ACSL1: variants seen among roughly 807,000 people sequenced by gnomAD.
ACSL1 encodes long-chain-fatty-acid--CoA ligase 1.
Under a neutral mutation model 98.4 loss-of-function variants are expected in ACSL1, and 41 were observed. That is an observed-to-expected ratio of 0.42 (90% CI 0.32 to 0.54). The LOEUF (loss-of-function observed/expected upper bound fraction) is 0.54, where lower values mean the gene tolerates loss of function less well. Among genes scored for constraint, ACSL1 ranks in the 20% least tolerant of loss-of-function variants. The pLI is 0.13. For missense variants in ACSL1, 734 were observed against 883.1 expected (o/e 0.83, Z 2.14); for synonymous variants, 316 against 322.7 (o/e 0.98, Z 0.22).
At chr4:184,802,636 A>G (rs1770720742) in intron 2 of ACSL1, among the ~76,000 whole-genome samples, 1 of 152,180 alleles carries the variant, frequency 6.6e-6, no homozygotes, top group Admixed American at 6.5e-5. Flanking sequence ...ATCTTCCTGA[A>G]AGGATCCTAA....
At chr4:184,778,872 A>G (rs183852749) in intron 5 of ACSL1, among the ~76,000 whole-genome samples, 1 of 152,328 alleles carries the variant, frequency 6.6e-6, no homozygotes, top group Non-Finnish European at 1.5e-5. Flanking sequence ...GCCCAGTCAC[A>G]GTCCAGCTGT....
chr4:184,810,721 C>CGGAGA (rs1771973419), intron 1 of ACSL1, among the ~76,000 whole-genome samples: 1 of 151,882 alleles, frequency 6.6e-6, no homozygotes, highest in African/African-American at 2.4e-5. Context: ...AGGGCTCAAG[C>CGGAGA]GGATAGGATA....
intron 1 of ACSL1, chr4:184,813,663 T>C (rs1034860721): frequency 3.3e-6 from 1 of 302,340 alleles, no homozygotes; most frequent in Admixed American, 3.9e-5. Flanking sequence ...AAGAAGGAAA[T>C]AAAAGGCTTT....
chr4:184,803,222 C>G lies in ACSL1; in HGVS notation c.195+98G>C. On this transcript the variant is annotated intron_variant, in intron 2 of 20. Transcript: ENST00000281455. This position sits in a 1 kb window ranked among gnomAD's most constrained non-coding sequence, Gnocchi z 4.8. ...TCCATTTACAAAGTGCAGTTATAAA[C>G]AAATATTTGATCTTGATGGCTATCA... The G allele has an allele frequency of 8.2e-7, 1 of 1,218,894 alleles. No homozygotes were observed. Among genetic ancestry groups the G allele is most frequent in the African/African-American group, 1.5e-5 (1 of 64,800 alleles). 75.5% of individuals were successfully genotyped at this position (1,218,894 alleles called of 1,614,324 possible).
chr4:184,780,812 T>C (rs991345169), intron 4 of ACSL1, among the ~76,000 whole-genome samples: 1 of 152,162 alleles, frequency 6.6e-6, no homozygotes, highest in African/African-American at 2.4e-5. Context: ...GTTTATTTGG[T>C]ATAAACACAG....
chr4:184,764,173 T>G (rs1378538486), intron 15 of ACSL1, among the ~76,000 whole-genome samples: 1 of 152,166 alleles, frequency 6.6e-6, no homozygotes. Context: ...CAGGCCGGGG[T>G]TGAAATCCTG....
In ACSL1 at chr4:184,803,485, A is replaced by C. The variant is rs774581350; in HGVS notation, c.30T>G (p.Phe10Leu). The change falls in exon 2 of 21, where the codon TTT becomes TTG. Residue 10 changes from phenylalanine to leucine, a missense_variant. Phe to Leu is a conservative substitution (Grantham distance 22, BLOSUM62 0). Transcript: ENST00000281455. This position sits in a 1 kb window ranked among gnomAD's most constrained non-coding sequence, Gnocchi z 4.8. Reference protein sequence around the residue: MQAHELFRYFRMPELVDFRQ... With the variant: MQAHELFRYLRMPELVDFRQ... ...GGAAGTCAACCAGCTCTGGCATTCG[A>C]AAATACCGGAACAGCTCATGGGCTT... is the stretch of plus-strand genomic sequence containing the variant. 6.2e-7 allele frequency: 1 copy of C among 1,605,184 alleles called. No individual in the cohort carries two copies.
chr4:184,759,139 A>G (rs909510376), intron 18 of ACSL1, among the ~76,000 whole-genome samples: 1 of 152,048 alleles, frequency 6.6e-6, no homozygotes, highest in African/African-American at 2.4e-5. Flanking sequence ...TTCTTAATCC[A>G]GTCTATCATT....
intron 5 of ACSL1, among the ~76,000 whole-genome samples, chr4:184,778,179 C>T (rs1765612047): frequency 6.6e-6 from 1 of 152,216 alleles, no homozygotes; most frequent in Non-Finnish European, 1.5e-5. Context: ...ATCACTCTTT[C>T]ACTACCATAC....
At chr4:184,771,011 C>T (rs1764433273) in intron 10 of ACSL1, among the ~76,000 whole-genome samples, 1 of 152,158 alleles carries the variant, frequency 6.6e-6, no homozygotes, top group African/African-American at 2.4e-5. Flanking sequence ...GTAATTCCAG[C>T]TACTCAGGAG....
chr4:184,803,432 T>C lies in ACSL1; in HGVS notation c.83A>G (p.Asn28Ser), dbSNP rs756386246. The change falls in exon 2 of 21, where the codon AAC (asparagine) becomes AGC (serine). Residue 28 changes from asparagine (N) to serine (S), a missense_variant. Asn to Ser is a conservative substitution (Grantham distance 46, BLOSUM62 1). Coordinates refer to ENST00000281455, the MANE Select transcript of ACSL1 (RefSeq NM_001995.5). This position sits in a 1 kb window ranked among gnomAD's most constrained non-coding sequence, Gnocchi z 4.8. ...AAAAGCTCCGAAGCCCATAAGCGTGTTGGTCGGAAGAGTACGCACGTACTG... is the reference window on the plus strand; with the variant it reads ...AAAAGCTCCGAAGCCCATAAGCGTGCTGGTCGGAAGAGTACGCACGTACTG... The part of the protein sequence containing the change: ...FRQYVRTLPT[N>S]TLMGFGAFAA... 2.5e-6 allele frequency: 4 copies of C among 1,614,044 alleles called. No homozygotes were observed. The Admixed American group carries it at 6.7e-5, about 27-fold the overall frequency.
At chr4:184,768,265 C>T in intron 12 of ACSL1, 51 bp downstream of exon 12, 1 of 1,567,752 alleles carries the variant, frequency 6.4e-7, no homozygotes. Flanking sequence ...AGCCCAAGCC[C>T]CTGCGTCCAA....
Position 184,765,850 on chromosome 4 carries a change from T to G in ACSL1, c.1359+41A>C, listed in dbSNP as rs767917865. 7 of 1,579,684 alleles carry G rather than the reference T, an allele frequency of 4.4e-6. No individual in the cohort carries two copies. The South Asian group carries it at 5.6e-5, about 13-fold the overall frequency. ...TTTTGGTGCAGAAGAGGACTGGGCATCCTAGTGTGGGAGAATCAGGCGCCG... is the reference window on the plus strand; with the variant it reads ...TTTTGGTGCAGAAGAGGACTGGGCAGCCTAGTGTGGGAGAATCAGGCGCCG... On this transcript the variant is annotated intron_variant, in intron 14 of 20. Coordinates refer to ENST00000281455, the MANE Select transcript of ACSL1 (RefSeq NM_001995.5).
intron 15 of ACSL1, among the ~76,000 whole-genome samples, chr4:184,764,601 A>G (rs1763302867): frequency 6.6e-6 from 1 of 152,204 alleles, no homozygotes; most frequent in South Asian, 2.1e-4. Context: ...TGTCACTAGT[A>G]GAGTCTAGGC....
In ACSL1 at chr4:184,757,854, A is replaced by G. The variant is rs773225041; in HGVS notation, c.1849T>C (p.Phe617Leu). ...CACAGTTCCTCAAACGACCCTTCAA[A>G]TCCTCTCTTTTGGGCCCAGGAACAT... ...TLCSWAQKRGFEGSFEELCRN... is the reference protein window; with the variant it reads ...TLCSWAQKRGLEGSFEELCRN... Residue 617 changes from phenylalanine (F) to leucine (L), a missense_variant, in exon 19 of 21, where the codon TTT becomes CTT. Coordinates refer to ENST00000281455, the MANE Select transcript of ACSL1 (RefSeq NM_001995.5). This position sits in a 1 kb window ranked among gnomAD's most constrained non-coding sequence, Gnocchi z 4.5. 5.6e-6 allele frequency: 9 copies of G among 1,614,030 alleles called. No homozygotes were observed. Among genetic ancestry groups the G allele is most frequent in the African/African-American group, 2.7e-5 (2 of 74,914 alleles).
At chr4:184,772,163 A>G (rs1470487472) in intron 10 of ACSL1, among the ~76,000 whole-genome samples, 1 of 152,260 alleles carries the variant, frequency 6.6e-6, no homozygotes, top group African/African-American at 2.4e-5. Context: ...AAGGCCAATT[A>G]GGAAATTAAA....
rs1561235525 is a variant in ACSL1, at chr4:184,803,943, G to T, written c.-32-397C>A. ...AAAACACTCGACTCTCATTGTCAAGGCTAATGGGAATATGAGTGAAGGGGA... is the reference window on the plus strand; with the variant it reads ...AAAACACTCGACTCTCATTGTCAAGTCTAATGGGAATATGAGTGAAGGGGA... On this transcript the variant is annotated intron_variant, in intron 1 of 20. Coordinates refer to ENST00000281455, the MANE Select transcript of ACSL1 (RefSeq NM_001995.5). This position sits in a 1 kb window ranked among gnomAD's most constrained non-coding sequence, Gnocchi z 4.8. Among the ~76,000 whole-genome samples, 1 of 152,166 alleles carries T rather than the reference G, an allele frequency of 6.6e-6. No individual in the cohort carries two copies.
intron 1 of ACSL1, among the ~76,000 whole-genome samples, chr4:184,804,933 T>C (rs561514295): frequency 3.3e-5 from 5 of 152,268 alleles, no homozygotes; most frequent in African/African-American, 1.2e-4. Context: ...AAGAAGCTTC[T>C]GCACAGCAAA....
chr4:184,800,224 A>G (rs1220290661), intron 2 of ACSL1, among the ~76,000 whole-genome samples: 1 of 152,184 alleles, frequency 6.6e-6, no homozygotes, highest in Non-Finnish European at 1.5e-5. Context: ...TCGGTTTTCC[A>G]TATGAGGAAT....
Sources: allele counts gnomAD v4.1 joint callset (sites outside exome capture counted in the v4.1 genomes callset), GRCh38; gene constraint gnomAD v4.1.1; non-coding constraint Gnocchi (gnomAD v3.1); transcripts MANE v1.5; gene names NCBI Gene and HGNC (gene_info 2026-07-23, HGNC 2026-07-21).